The following LYRM7 variants were observed in gnomAD, a reference collection of about 807,000 sequenced individuals.
The protein encoded by LYRM7 is complex III assembly factor LYRM7.
Under a neutral mutation model 15.8 loss-of-function variants are expected in LYRM7, and 9 were observed. The ratio of observed to expected loss-of-function variants is 0.57; its 90% CI spans 0.34 to 0.99. The LOEUF (loss-of-function observed/expected upper bound fraction) is 0.99. Among genes scored for constraint, LYRM7 ranks in the 50% least tolerant of loss-of-function variants. The pLI is 0.02. For synonymous variants in LYRM7, 39 were observed against 39.4 expected (o/e 0.99, Z 0.04); for missense variants, 115 against 119.1 (o/e 0.97, Z 0.16).
intron 3 of LYRM7, among the ~76,000 whole-genome samples, chr5:131,185,715 C>G (rs926859960): frequency 4.6e-5 from 7 of 152,150 alleles, no homozygotes; most frequent in Non-Finnish European, 1.0e-4. Context: ...GTCACTTGAG[C>G]CCAGGAGTTC....
rs181601914 is a variant in LYRM7 at position 131,199,756 on chromosome 5, C to A, written c.*155C>A. On this transcript the variant is annotated 3_prime_UTR_variant, in exon 5 of 5. Coordinates refer to ENST00000379380, the MANE Select transcript of LYRM7 (RefSeq NM_181705.4). ...ATATTTAAATTTCATGTTAAAAGGT[C>A]ATTACTGAGAACTAAAGAACATAAT... 2.2e-6 allele frequency: 1 copy of A among 459,174 alleles called. No homozygotes were observed. Among genetic ancestry groups the A allele is most frequent in the East Asian group, 3.4e-5 (1 of 29,004 alleles). The allele number at this position is 459,174 out of a possible 1,614,324, so 28.4% of individuals were successfully genotyped here.
intron 3 of LYRM7, among the ~76,000 whole-genome samples, chr5:131,183,335 AC>A (rs1385466691): frequency 6.6e-5 from 10 of 152,180 alleles, no homozygotes; most frequent in African/African-American, 2.4e-4. Context: ...AATTAAAATG[AC>A]CATATAATCA....
rs762250302 is a variant in LYRM7, at chr5:131,171,005, C to T, written c.-16C>T. The T allele has an allele frequency of 1.8e-5, 28 of 1,543,608 alleles. No individual in the cohort carries two copies. Among genetic ancestry groups the T allele is most frequent in the Non-Finnish European group, 2.2e-5 (25 of 1,151,458 alleles). The stretch of plus-strand genomic sequence containing the variant: ...ACTCGACTGCTCTGGAGGTAGCGGC[C>T]GCGGTGAGGAGAGCCATGGGACGGG... On this transcript the variant is annotated 5_prime_UTR_variant, in exon 1 of 5. Coordinates refer to ENST00000379380, the MANE Select transcript of LYRM7 (RefSeq NM_181705.4).
At chr5:131,179,971 C>T in intron 1 of LYRM7, 124 bp from the exon 2 acceptor site, 2 of 645,464 alleles carry the variant, frequency 3.1e-6, no homozygotes, top group Non-Finnish European at 5.4e-6. Context: ...ATGGGGGTCT[C>T]ACCATATCGC....
intron 3 of LYRM7, among the ~76,000 whole-genome samples, chr5:131,184,579 G>C (rs1287455576): frequency 6.7e-6 from 1 of 149,678 alleles, no homozygotes; most frequent in Non-Finnish European, 1.5e-5. Flanking sequence ...CTGTCACCCA[G>C]TTAAAGGTTA....
At chr5:131,198,859 C>T (rs1756013816) in intron 4 of LYRM7, among the ~76,000 whole-genome samples, 1 of 152,140 alleles carries the variant, frequency 6.6e-6, no homozygotes, top group Admixed American at 6.5e-5. Flanking sequence ...CCGTGAGTCA[C>T]CACACCCGGC....
At chr5:131,191,948 T>C (rs1201750367) in intron 4 of LYRM7, among the ~76,000 whole-genome samples, 1 of 152,020 alleles carries the variant, frequency 6.6e-6, no homozygotes, top group Non-Finnish European at 1.5e-5. Flanking sequence ...CATTCTCATG[T>C]TTATCTTGGC....
chr5:131,181,241 A>C (rs1327844984), intron 2 of LYRM7, among the ~76,000 whole-genome samples: 1 of 126,996 alleles, frequency 7.9e-6, no homozygotes, highest in Non-Finnish European at 1.6e-5. Flanking sequence ...ATGCCACTGC[A>C]CTCCAGCCTG....
intron 1 of LYRM7, among the ~76,000 whole-genome samples, chr5:131,175,025 T>C (rs1755576703): frequency 6.6e-6 from 1 of 152,126 alleles, no homozygotes; most frequent in Non-Finnish European, 1.5e-5. Context: ...TCTTTTTTTT[T>C]CTGAGCAGAT....
chr5:131,188,755 T>C (rs1334025384), intron 4 of LYRM7, among the ~76,000 whole-genome samples: 4 of 152,232 alleles, frequency 2.6e-5, no homozygotes, highest in Non-Finnish European at 5.9e-5. Flanking sequence ...GTCATATTTA[T>C]GGATTTCTTA....
intron 2 of LYRM7, among the ~76,000 whole-genome samples, chr5:131,181,299 A>AT (rs1219801427): frequency 1.0e-4 from 4 of 39,246 alleles, no homozygotes; most frequent in African/African-American, 5.9e-4. Flanking sequence ...AAAAAAAAAA[A>AT]AAAATATATA....
Position 131,181,758 on chromosome 5 carries a change from T to C in LYRM7, c.92-471T>C, listed in dbSNP as rs1580694935. 2.0e-5 allele frequency among the ~76,000 whole-genome samples: 3 copies of C among 152,060 alleles called. No homozygotes were observed. The East Asian group carries it at 5.8e-4, about 29-fold the overall frequency. On this transcript the variant is annotated intron_variant, in intron 2 of 4. Transcript: ENST00000379380. ...AAAGTTTTATTTGTCACTCACTTTA[T>C]ATGTCAGCCAAGACACTTAAAATTT...
intron 2 of LYRM7, among the ~76,000 whole-genome samples, chr5:131,181,296 A>T (rs375224432): frequency 0.21 from 3,022 of 14,124 alleles, 410 homozygotes; most frequent in African/African-American, 0.35. Context: ...AAAAAAAAAA[A>T]AAAAAAATAT....
At chr5:131,184,642 G>GGGC (rs1755765626) in intron 3 of LYRM7, among the ~76,000 whole-genome samples, 1 of 142,254 alleles carries the variant, frequency 7.0e-6, no homozygotes, top group South Asian at 2.1e-4. Context: ...TTTTTTGGCG[G>GGGC]GGGGGGGGTT....
intron 1 of LYRM7, among the ~76,000 whole-genome samples, chr5:131,176,055 A>T (rs1755597670): frequency 6.6e-6 from 1 of 152,184 alleles, no homozygotes; most frequent in Non-Finnish European, 1.5e-5. Flanking sequence ...CCACTGCATC[A>T]GCCTGCGTTA....
intron 2 of LYRM7, among the ~76,000 whole-genome samples, chr5:131,181,458 T>TATATATGTTATATATATATAAAAC (rs2149661567): frequency 6.2e-5 from 7 of 112,940 alleles, no homozygotes; most frequent in Admixed American, 5.7e-4. Flanking sequence ...ATATAAAACA[T>TATATATGTTATATATATATAAAAC]ATATATGTAT....
intron 4 of LYRM7, among the ~76,000 whole-genome samples, chr5:131,190,435 C>A (rs1045711235): frequency 1.3e-5 from 2 of 150,810 alleles, no homozygotes; most frequent in African/African-American, 2.4e-5. Flanking sequence ...ATCTTGTGAT[C>A]CGCCTGCCTT....
intron 2 of LYRM7, among the ~76,000 whole-genome samples, chr5:131,180,576 A>G (rs994454604): frequency 3.3e-5 from 5 of 152,128 alleles, no homozygotes; most frequent in African/African-American, 7.2e-5. Context: ...TAAATTCAGT[A>G]TCTCCCTGTT....
chr5:131,176,855 A>G (rs1755610850), intron 1 of LYRM7, among the ~76,000 whole-genome samples: 1 of 152,154 alleles, frequency 6.6e-6, no homozygotes, highest in Non-Finnish European at 1.5e-5. Context: ...ATTTAGGATA[A>G]TGGTCTCCAG....
Sources: allele counts gnomAD v4.1 joint callset (sites outside exome capture counted in the v4.1 genomes callset), GRCh38; gene constraint gnomAD v4.1.1; transcripts MANE v1.5; gene names NCBI Gene and HGNC (gene_info 2026-07-23, HGNC 2026-07-21).